Variants in ZGRF1 observed in about 807,000 individuals in gnomAD.
ZGRF1 encodes 5'-3' DNA helicase ZGRF1.
Under a neutral mutation model 203.5 loss-of-function variants are expected in ZGRF1, and 196 were observed. The ratio of observed to expected loss-of-function variants is 0.96; its 90% CI spans 0.86 to 1.08. ZGRF1 has a LOEUF of 1.08. ZGRF1 is among the 50% of genes least tolerant of loss of function. ZGRF1 has a pLI of 0.00. For synonymous variants in ZGRF1, 809 were observed against 841.3 expected, an observed-to-expected ratio of 0.96 and a Z score of 0.66; for missense variants, 2,326 against 2,416.3, an observed-to-expected ratio of 0.96 and a Z score of 0.78.
intron 9 of ZGRF1, among the ~76,000 whole-genome samples, chr4:112,604,750 T>G (rs984451960): frequency 9.0e-4 from 137 of 152,278 alleles, no homozygotes; most frequent in African/African-American, 3.2e-3. Flanking sequence ...GCTCTTTCAC[T>G]CAGTCTGTTT....
intron 16 of ZGRF1, among the ~76,000 whole-genome samples, chr4:112,576,840 T>C (rs905126230): frequency 2.6e-5 from 4 of 151,998 alleles, no homozygotes; most frequent in East Asian, 1.9e-4. Context: ...TGGAACCAAG[T>C]TGGAAAACAC....
chr4:112,632,865 T>G lies in ZGRF1; in HGVS notation c.21+291A>C, dbSNP rs1254553602. ...TCAAAGATTATGTTACAAAGGACTTTGTCTAATACTTGATCTTAGCCAAAA... is the reference window on the plus strand; with the variant it reads ...TCAAAGATTATGTTACAAAGGACTTGGTCTAATACTTGATCTTAGCCAAAA... On this transcript the variant is annotated intron_variant, in intron 2 of 27. Transcript: ENST00000505019. Among the ~76,000 whole-genome samples the G allele has an allele frequency of 2.6e-5, 4 of 152,212 alleles. No individual in the cohort carries two copies. In the East Asian group the frequency reaches 7.7e-4, roughly 29 times the overall value.
chr4:112,593,347 T>G (rs190416816), intron 10 of ZGRF1, among the ~76,000 whole-genome samples: 3 of 152,262 alleles, frequency 2.0e-5, no homozygotes, highest in Non-Finnish European at 4.4e-5. Context: ...CTACTTCAAT[T>G]CACTATCATC....
chr4:112,586,985 A>G (rs1399360691), intron 12 of ZGRF1, among the ~76,000 whole-genome samples: 1 of 152,230 alleles, frequency 6.6e-6, no homozygotes, highest in Non-Finnish European at 1.5e-5. Flanking sequence ...AAAAGTAAAA[A>G]CAATAATTGT....
At chr4:112,582,179 C>T (rs527648128) in intron 15 of ZGRF1, among the ~76,000 whole-genome samples, 1 of 152,268 alleles carries the variant, frequency 6.6e-6, no homozygotes, top group South Asian at 2.1e-4. Context: ...ATATTCATCA[C>T]TTCAAACACT....
chr4:112,553,473 T>C (rs1403059260), intron 22 of ZGRF1, among the ~76,000 whole-genome samples: 2 of 152,210 alleles, frequency 1.3e-5, no homozygotes, highest in Non-Finnish European at 2.9e-5. Context: ...CAGGGTCAGA[T>C]CCTCTCCATC....
chr4:112,603,373 GTTAT>G (rs1037426289), intron 10 of ZGRF1, 147 bp downstream of exon 10: 23 of 504,746 alleles, frequency 4.6e-5, no homozygotes, highest in Middle Eastern at 5.1e-4. Context: ...AAATACTTTT[GTTAT>G]TTAGTTTTGA....
At chr4:112,559,600 C>A (rs1425590681) in intron 19 of ZGRF1, among the ~76,000 whole-genome samples, 1 of 152,174 alleles carries the variant, frequency 6.6e-6, no homozygotes. Flanking sequence ...GAGATAATTA[C>A]AACAATAAAT....
intron 10 of ZGRF1, among the ~76,000 whole-genome samples, chr4:112,598,800 C>CA (rs972303136): frequency 1.3e-5 from 2 of 151,884 alleles, no homozygotes; most frequent in Non-Finnish European, 2.9e-5. Flanking sequence ...CCTAGAATCC[C>CA]AACACTTTGG....
chr4:112,580,501 T>C (rs1459690234), intron 16 of ZGRF1, among the ~76,000 whole-genome samples: 3 of 151,202 alleles, frequency 2.0e-5, no homozygotes, highest in African/African-American at 2.4e-5. Flanking sequence ...ACCTACAGAA[T>C]GGGAGAAAAT....
intron 4 of ZGRF1, among the ~76,000 whole-genome samples, chr4:112,622,467 C>A (rs1031869581): frequency 6.7e-6 from 1 of 148,188 alleles, no homozygotes; most frequent in African/African-American, 2.5e-5. Context: ...CTGCAGTGAG[C>A]CAAGATTATG....
intron 6 of ZGRF1, 120 bp from the exon 7 acceptor site, chr4:112,612,708 G>A: frequency 1.7e-6 from 1 of 597,718 alleles, no homozygotes; most frequent in South Asian, 2.3e-5. Context: ...GACAATCTTG[G>A]TAATTGTTCA....
intron 6 of ZGRF1, 109 bp downstream of exon 6, chr4:112,617,331 T>C: frequency 1.3e-6 from 1 of 775,738 alleles, no homozygotes; most frequent in Non-Finnish European, 2.0e-6. Flanking sequence ...GTATTACCTA[T>C]TTAAACACTA....
intron 3 of ZGRF1, among the ~76,000 whole-genome samples, chr4:112,625,803 G>A (rs2047221905): frequency 6.6e-6 from 1 of 150,938 alleles, no homozygotes; most frequent in South Asian, 2.1e-4. Context: ...GCTGAGGCAG[G>A]AGAATCGCTT....
At chr4:112,556,901 A>G (rs1184282728) in intron 20 of ZGRF1, among the ~76,000 whole-genome samples, 1 of 152,222 alleles carries the variant, frequency 6.6e-6, no homozygotes, top group Non-Finnish European at 1.5e-5. Flanking sequence ...TCTCCTAATC[A>G]AACTTTGCCA....
At position 112,619,082 on chromosome 4, in the gene ZGRF1, G is replaced by A. The variant is rs2046981297; in HGVS notation, c.960C>T (p.Thr320=). 6.2e-7 allele frequency: 1 copy of A among 1,613,790 alleles called. No homozygotes were observed. Among genetic ancestry groups the A allele is most frequent in the Admixed American group, 1.7e-5 (1 of 59,988 alleles). The change falls in exon 6 of 28, where the codon ACC becomes ACT. Residue 320 remains threonine (T), a synonymous_variant. Coordinates refer to ENST00000505019, the MANE Select transcript of ZGRF1 (RefSeq NM_018392.5). ...TGGCCCACCGGCTTTTATTTCTCAT[G>A]GTATTTTCTGATTGATGCTGGTAGT... ...NLYYQHQSEN[T]MRNKSRWAMY...
chr4:112,612,754 TTC>T (rs768460680), intron 6 of ZGRF1, among the ~76,000 whole-genome samples, 166 bp from the exon 7 acceptor site: 2 of 152,326 alleles, frequency 1.3e-5, no homozygotes, highest in Non-Finnish European at 2.9e-5. Context: ...CACTGTACTG[TTC>T]TCTGTTTAGA....
intron 16 of ZGRF1, among the ~76,000 whole-genome samples, chr4:112,574,629 A>G (rs1744812914): frequency 6.6e-6 from 1 of 152,220 alleles, no homozygotes; most frequent in African/African-American, 2.4e-5. Context: ...TAAGTTACTA[A>G]TTAAATAACT....
chr4:112,574,897 G>A (rs1310182525), intron 16 of ZGRF1, among the ~76,000 whole-genome samples: 1 of 151,886 alleles, frequency 6.6e-6, no homozygotes, highest in Admixed American at 6.6e-5. Context: ...GTGGTAGCGC[G>A]CATCTGTAAT....
Sources: gnomAD v4.1 joint callset for allele counts (sites outside exome capture counted in the v4.1 genomes callset) on GRCh38, gnomAD v4.1.1 for gene constraint, MANE v1.5 for transcripts, NCBI Gene and HGNC (gene_info 2026-07-23, HGNC 2026-07-21) for gene names.